The following NBEAL1 variants were observed in gnomAD, a reference collection of about 807,000 sequenced individuals.
NBEAL1 encodes neurobeachin like 1, also known as neurobeachin-like protein 1.
A neutral mutation model predicts 351.3 loss-of-function variants in NBEAL1; 273 were observed. The observed-to-expected ratio is 0.78, with a 90% CI of 0.70 to 0.86. The LOEUF (loss-of-function observed/expected upper bound fraction) is 0.86. Ranked by LOEUF, NBEAL1 falls within the 40% of genes least tolerant of loss-of-function variation. The pLI is 0.00. For synonymous variants in NBEAL1, 1,050 were observed against 1,086.4 expected, an observed-to-expected ratio of 0.97 and a Z score of 0.66; for missense variants, 2,961 against 3,201.3, an observed-to-expected ratio of 0.92 and a Z score of 1.81.
Position 203,202,720 on chromosome 2 carries a change from G to A in NBEAL1, c.7445G>A (p.Gly2482Glu). 1.2e-6 allele frequency: 2 copies of A among 1,600,274 alleles called. No homozygotes were observed. Among genetic ancestry groups the A allele is most frequent in the Non-Finnish European group, 1.7e-6 (2 of 1,167,938 alleles). Residue 2482 changes from glycine (G) to glutamate (E), a missense_variant, in exon 51 of 56, where the codon GGA becomes GAA. Gly to Glu is a moderately conservative substitution (Grantham distance 98, BLOSUM62 -2). Coordinates refer to ENST00000683969, the MANE Select transcript of NBEAL1 (RefSeq NM_001378026.1). ...IVTCLATDYC[G>E]IHLISGSRDT... Reference sequence around the variant, plus strand: ...ACTTGCTTAGCTACAGATTACTGTGGAATACATTTGATTTCTGGTTCCAGA... The same window carrying A: ...ACTTGCTTAGCTACAGATTACTGTGAAATACATTTGATTTCTGGTTCCAGA...
Position 203,056,491 on chromosome 2 carries a change from A to T in NBEAL1, c.370A>T (p.Thr124Ser). The part of the protein sequence containing the change: ...SYINYVITMT[T>S]LYIQQLKSKK... Reference sequence around the variant, plus strand: ...CATTAATTATGTCATCACCATGACAACACTCTATATTCAGCAAGTAGGTGT... The same window carrying T: ...CATTAATTATGTCATCACCATGACATCACTCTATATTCAGCAAGTAGGTGT... Residue 124 changes from threonine (T) to serine (S), a missense_variant, in exon 5 of 56, where the codon ACA (threonine) becomes TCA (serine). Physicochemically the swap from Thr to Ser is moderately conservative, Grantham distance 58 (BLOSUM62 1). Transcript: ENST00000683969. 1 of 1,536,768 alleles carries T rather than the reference A, an allele frequency of 6.5e-7. No individual in the cohort carries two copies. The highest frequency in any genetic ancestry group is 8.8e-7 in the Non-Finnish European group (1 of 1,131,490).
In NBEAL1 at chr2:203,138,279, A is replaced by G. The variant is rs774451995; in HGVS notation, c.4683A>G (p.Ser1561=). The G allele has an allele frequency of 1.2e-6, 2 of 1,614,000 alleles. No homozygotes were observed. The highest frequency in any genetic ancestry group is 1.7e-6 in the Non-Finnish European group (2 of 1,179,952). The change falls in exon 30 of 56, where the codon TCA becomes TCG. Residue 1561 remains serine (S), a synonymous_variant. Transcript: ENST00000683969. ...LVLIIQDFLQ[S]EGLVNSNMWT... ...TGATCATACAGGACTTTCTTCAGTC[A>G]GAGGGACTAGTTAATTCAAACATGT...
chr2:203,128,012 G>T (rs1326094809), intron 24 of NBEAL1, 75 bp downstream of exon 24: 84 of 1,114,068 alleles, frequency 7.5e-5, no homozygotes, highest in South Asian at 6.8e-4. Context: ...ACGTATGTTT[G>T]TGTCTAGTTA....
chr2:203,030,527 G>A (rs915979259), intron 2 of NBEAL1, among the ~76,000 whole-genome samples: 1 of 152,104 alleles, frequency 6.6e-6, no homozygotes, highest in African/African-American at 2.4e-5. Flanking sequence ...GGACTAACCG[G>A]AATGAGAAAT....
Position 203,194,566 on chromosome 2 carries a change from TAATAACTTATTTGAAAAG to T in NBEAL1, c.7038+656_7038+673del, listed in dbSNP as rs546847328. On this transcript the variant is annotated intron_variant, in intron 47 of 55. Coordinates refer to ENST00000683969, the MANE Select transcript of NBEAL1 (RefSeq NM_001378026.1). ...TTGGTAAACTCTTTCTTGTCTCAAA[TAATAACTTATTTGAAAAG>T]TATGCAGCAGTGAGATAGGTCTAAC... is the stretch of plus-strand genomic sequence containing the variant. 3.2e-3 allele frequency among the ~76,000 whole-genome samples: 480 copies of T among 152,336 alleles called. 5 individuals carry two copies. The highest frequency in any genetic ancestry group is 0.01 in the African/African-American group (431 of 41,582).
At chr2:203,045,874 A>G (rs567198280) in intron 3 of NBEAL1, among the ~76,000 whole-genome samples, 1 of 152,374 alleles carries the variant, frequency 6.6e-6, no homozygotes, top group East Asian at 1.9e-4. Context: ...GGAAATTAGT[A>G]TACAGTGGCT....
chr2:203,144,066 C>T (rs2106334833), intron 31 of NBEAL1, among the ~76,000 whole-genome samples: 1 of 151,928 alleles, frequency 6.6e-6, no homozygotes, highest in East Asian at 1.9e-4. Flanking sequence ...AAAAAATTAG[C>T]CGGACATGGT....
At chr2:203,162,894 C>G (rs1435212593) in intron 36 of NBEAL1, among the ~76,000 whole-genome samples, 1 of 151,446 alleles carries the variant, frequency 6.6e-6, no homozygotes, top group Non-Finnish European at 1.5e-5. Context: ...TGGCTCACGC[C>G]TGCAGTCCCA....
chr2:203,169,840 G>A lies in NBEAL1; in HGVS notation c.6091G>A (p.Gly2031Arg), dbSNP rs1466667271. The change falls in exon 39 of 56, where the codon GGA (glycine) becomes AGA (arginine). Residue 2031 changes from glycine (G) to arginine (R), a missense_variant. By Grantham distance (125) the Gly-to-Arg change is moderately radical. Coordinates refer to ENST00000683969, the MANE Select transcript of NBEAL1 (RefSeq NM_001378026.1). ...RSPQELFKAS[G>R]LTQKWVNREI... Reference sequence around the variant, plus strand: ...ACCACAGGAGTTATTCAAAGCATCAGGATTGACACAGGTAGGAAATTGTAA... The same window carrying A: ...ACCACAGGAGTTATTCAAAGCATCAAGATTGACACAGGTAGGAAATTGTAA... The A allele has an allele frequency of 3.8e-6, 6 of 1,594,180 alleles. No homozygotes were observed. In the Admixed American group the frequency reaches 5.2e-5, roughly 14 times the overall value.
At position 203,057,422 on chromosome 2, in the gene NBEAL1, C is replaced by A; in HGVS notation, c.484C>A (p.Pro162Thr). The A allele has an allele frequency of 2.6e-6, 4 of 1,551,834 alleles. No individual in the cohort carries two copies. The highest frequency in any genetic ancestry group is 3.5e-6 in the Non-Finnish European group (4 of 1,146,162). Residue 162 changes from proline to threonine, a missense_variant, in exon 6 of 56, where the codon CCA becomes ACA. Coordinates refer to ENST00000683969, the MANE Select transcript of NBEAL1 (RefSeq NM_001378026.1). ...GGCATTTTGTGAAAGCTTATATGATCCATATCGGAATTGGAGACATAGAAT... is the reference window on the plus strand; with the variant it reads ...GGCATTTTGTGAAAGCTTATATGATACATATCGGAATTGGAGACATAGAAT... ...ALAFCESLYD[P>T]YRNWRHRISG...
intron 8 of NBEAL1, among the ~76,000 whole-genome samples, chr2:203,083,011 A>G (rs553033420): frequency 6.6e-6 from 1 of 152,252 alleles, no homozygotes; most frequent in South Asian, 2.1e-4. Flanking sequence ...CCTTAGCCAC[A>G]AGAGAGAGTG....
rs1487635915 is a variant in NBEAL1, at chr2:203,208,754, G to A, written c.7623+1G>A. 1 of 1,574,214 alleles carries A rather than the reference G, an allele frequency of 6.4e-7. No individual in the cohort carries two copies. Among genetic ancestry groups the A allele is most frequent in the South Asian group, 1.2e-5 (1 of 85,198 alleles). On this transcript the variant is annotated splice_donor_variant, in intron 52 of 55. Coordinates refer to ENST00000683969, the MANE Select transcript of NBEAL1 (RefSeq NM_001378026.1). LOFTEE classifies it high-confidence loss of function. ...AGACATGGCAGTGTCAGGATCAAGGGTAAGATTTCACCTTTAAGAAATACT... is the reference window on the plus strand; with the variant it reads ...AGACATGGCAGTGTCAGGATCAAGGATAAGATTTCACCTTTAAGAAATACT...
intron 31 of NBEAL1, among the ~76,000 whole-genome samples, chr2:203,141,999 G>A (rs1340727946): frequency 6.6e-6 from 1 of 152,126 alleles, no homozygotes; most frequent in Non-Finnish European, 1.5e-5. Context: ...TAGTGTCTCC[G>A]GTTAGCCTGT....
At chr2:203,023,457 G>A (rs575227637) in intron 2 of NBEAL1, among the ~76,000 whole-genome samples, 16 of 152,270 alleles carry the variant, frequency 1.1e-4, no homozygotes, top group African/African-American at 3.4e-4. Context: ...AATGAAAAAC[G>A]TTGTTAAGAT....
chr2:203,086,874 T>C (rs1189224660), intron 10 of NBEAL1, among the ~76,000 whole-genome samples: 1 of 152,024 alleles, frequency 6.6e-6, no homozygotes, highest in African/African-American at 2.4e-5. Flanking sequence ...AAGGCACCAT[T>C]ATCGACCCAG....
chr2:203,148,349 C>G lies in NBEAL1; in HGVS notation c.5305-642C>G, dbSNP rs570042259. 3.3e-5 allele frequency among the ~76,000 whole-genome samples: 5 copies of G among 152,122 alleles called. No homozygotes were observed. In the South Asian group the frequency reaches 6.2e-4, roughly 19 times the overall value. On this transcript the variant is annotated intron_variant, in intron 33 of 55. Transcript: ENST00000683969. The stretch of plus-strand genomic sequence containing the variant: ...GAAAAGCTAAGATTTGTATCCAGGT[C>G]TAACTCCAAGGCATGTATTTTTAAC...
intron 35 of NBEAL1, among the ~76,000 whole-genome samples, chr2:203,153,728 A>G (rs988598426): frequency 1.3e-5 from 2 of 152,132 alleles, no homozygotes; most frequent in Non-Finnish European, 2.9e-5. Flanking sequence ...AAATGTAACT[A>G]TCATTAACAC....
intron 24 of NBEAL1, among the ~76,000 whole-genome samples, chr2:203,129,321 G>A (rs1032619633): frequency 9.9e-5 from 15 of 151,862 alleles, no homozygotes; most frequent in Non-Finnish European, 1.6e-4. Context: ...TATAACCTCC[G>A]CAATACCACA....
At chr2:203,077,622 A>G in intron 7 of NBEAL1, 130 bp from the exon 8 acceptor site, 2 of 479,638 alleles carry the variant, frequency 4.2e-6, no homozygotes, top group South Asian at 1.5e-4. Flanking sequence ...ATGCATATCA[A>G]CCTTGGCTTT....
Sources: allele counts gnomAD v4.1 joint callset (sites outside exome capture counted in the v4.1 genomes callset), GRCh38; gene constraint gnomAD v4.1.1; transcripts MANE v1.5; gene names NCBI Gene and HGNC (gene_info 2026-07-23, HGNC 2026-07-21).